The following BDP1 variants were observed in gnomAD, a reference collection of about 807,000 sequenced individuals.
BDP1 encodes the protein BDP1 general transcription factor IIIB subunit, also known as transcription factor TFIIIB component B'' homolog.
In BDP1, 169 loss-of-function variants were observed where a neutral mutation model predicts 266.6. The ratio of observed to expected loss-of-function variants is 0.63; its 90% confidence interval spans 0.56 to 0.72. BDP1 has a LOEUF of 0.72. Ranked by LOEUF, BDP1 falls within the 30% of genes least tolerant of loss-of-function variation. BDP1 has a pLI of 0.00. For synonymous variants in BDP1, 1,090 were observed against 1,022.4 expected (o/e 1.07, Z -1.26); for missense variants, 3,015 against 3,053.8 (o/e 0.99, Z 0.30).
At position 71,522,332 on chromosome 5, in the gene BDP1, AGAAG is replaced by A; in HGVS notation, c.5039_5042del (p.Arg1680AsnfsTer21). 1 of 1,614,010 alleles carries A rather than the reference AGAAG, an allele frequency of 6.2e-7. No homozygotes were observed. Among genetic ancestry groups the A allele is most frequent in the Non-Finnish European group, 8.5e-7 (1 of 1,179,976 alleles). On this transcript the variant is annotated frameshift_variant, in exon 23 of 39. Coordinates refer to ENST00000358731, the MANE Select transcript of BDP1 (RefSeq NM_018429.3). LOFTEE classifies it high-confidence loss of function. ...TGTTCCTAGTTCAGCACAAATGACA[AGAAG>A]GAAATTCCAAAAGGCTAAGCCAAAT...
At chr5:71,560,675 A>G (rs1743582296) in intron 37 of BDP1, among the ~76,000 whole-genome samples, 1 of 152,178 alleles carries the variant, frequency 6.6e-6, no homozygotes, top group Non-Finnish European at 1.5e-5. Flanking sequence ...AAGTGTTGGA[A>G]TTTAAGCAAG....
rs115219262 is a variant in BDP1, at chr5:71,519,377, T to A, written c.4991+1925T>A. 8.7e-3 allele frequency among the ~76,000 whole-genome samples: 1,325 copies of A among 152,312 alleles called. 10 individuals are homozygous for A. The highest frequency in any genetic ancestry group is 0.015 in the South Asian group (74 of 4,828). On this transcript the variant is annotated intron_variant, in intron 22 of 38. Coordinates refer to ENST00000358731, the MANE Select transcript of BDP1 (RefSeq NM_018429.3). ...ATAAATGATTGTTAACTATAATTTT[T>A]CCTACTGTACTACTGAATACCAGAA...
chr5:71,544,622 G>C (rs767634605), intron 31 of BDP1, 115 bp downstream of exon 31: 39 of 1,107,470 alleles, frequency 3.5e-5, no homozygotes, highest in Non-Finnish European at 5.0e-5. Flanking sequence ...GCTCACGCCT[G>C]TAATCCCGGC....
intron 7 of BDP1, among the ~76,000 whole-genome samples, chr5:71,481,434 C>T (rs35327154): frequency 0.42 from 61,446 of 145,100 alleles, 13,238 homozygotes; most frequent in South Asian, 0.48. Context: ...TGGTGGCACA[C>T]GTCCCCTAGC....
At chr5:71,552,741 G>A (rs1349080817) in intron 34 of BDP1, among the ~76,000 whole-genome samples, 1 of 152,276 alleles carries the variant, frequency 6.6e-6, no homozygotes, top group Non-Finnish European at 1.5e-5. Context: ...AACCAGGCAG[G>A]GAGGCTGCAG....
At chr5:71,575,387 G>A in the BDP1 span, among the ~76,000 whole-genome samples, 4 of 152,196 alleles carry the variant, frequency 2.6e-5, no homozygotes, top group African/African-American at 9.7e-5. Flanking sequence ...ATCAATGGCC[G>A]CTATCTTGGG....
At chr5:71,466,475 C>T (rs1761911732) in intron 5 of BDP1, among the ~76,000 whole-genome samples, 1 of 152,144 alleles carries the variant, frequency 6.6e-6, no homozygotes, top group African/African-American at 2.4e-5. Context: ...CTTTACTGGT[C>T]ATTGAGTCAG....
chr5:71,561,352 G>A (rs1427320179), intron 37 of BDP1, among the ~76,000 whole-genome samples: 1 of 149,852 alleles, frequency 6.7e-6, no homozygotes, highest in Non-Finnish European at 1.5e-5. Flanking sequence ...GGTGAGCCGA[G>A]ATTGTGCCAT....
At chr5:71,559,850 A>G in intron 36 of BDP1, 132 bp from the exon 37 acceptor site, 2 of 833,558 alleles carry the variant, frequency 2.4e-6, no homozygotes, top group Non-Finnish European at 3.7e-6. Context: ...TAACTCCACT[A>G]ATGATAATTT....
intron 21 of BDP1, 107 bp from the exon 22 acceptor site, chr5:71,517,215 A>T: frequency 1.0e-6 from 1 of 1,001,834 alleles, no homozygotes; most frequent in East Asian, 2.9e-5. Flanking sequence ...ATAAAAATTT[A>T]AAAAAGAAAA....
Position 71,509,970 on chromosome 5 carries a change from A to T in BDP1, c.2878A>T (p.Thr960Ser). ...TGAAGTGGAGACAGATTTGAAAGCA[A>T]CTGGAAATGAGAGTTCCCCAAGGGA... ...LGEVETDLKA[T>S]GNESSPREKT... Residue 960 changes from threonine (T) to serine (S), a missense_variant, in exon 17 of 39, where the codon ACT becomes TCT. Around this residue, in one of 3 missense-constraint regions of BDP1, gnomAD observed 2,383 missense variants for 2,404.9 expected, o/e 0.99. Transcript: ENST00000358731. The T allele has an allele frequency of 6.2e-7, 1 of 1,613,742 alleles. No individual in the cohort carries two copies.
chr5:71,533,587 T>A (rs973015557), intron 26 of BDP1, among the ~76,000 whole-genome samples: 1 of 151,212 alleles, frequency 6.6e-6, no homozygotes, highest in Non-Finnish European at 1.5e-5. Flanking sequence ...CCACTCAGCA[T>A]CCCAAGTAGC....
chr5:71,575,617 C>T, the BDP1 span, among the ~76,000 whole-genome samples: 4 of 152,292 alleles, frequency 2.6e-5, no homozygotes, highest in South Asian at 8.3e-4. Flanking sequence ...AGAGACTGGC[C>T]TCTTGTAGTA....
intron 26 of BDP1, among the ~76,000 whole-genome samples, chr5:71,533,799 A>C (rs185201125): frequency 1.1e-4 from 17 of 152,184 alleles, no homozygotes; most frequent in Admixed American, 8.5e-4. Flanking sequence ...GTGAGTGTGA[A>C]GTGGTGTCAC....
At position 71,560,045 on chromosome 5, in the gene BDP1, C is replaced by G; in HGVS notation, c.7304C>G (p.Pro2435Arg). Residue 2435 changes from proline (P) to arginine (R), a missense_variant, in exon 37 of 39, where the codon CCT becomes CGT. Pro to Arg is a moderately radical substitution (Grantham distance 103). Transcript: ENST00000358731. ...GGAAGCACACTGACAACTCCAGAAC[C>G]TCAAAGACAGCAAGTTGAAGCAGCT... ...TSGSTLTTPE[P>R]QRQQVEAAFQ... 6.2e-7 allele frequency: 1 copy of G among 1,613,946 alleles called. No homozygotes were observed.
chr5:71,486,962 A>G (rs1397138402), intron 9 of BDP1, among the ~76,000 whole-genome samples: 1 of 152,182 alleles, frequency 6.6e-6, no homozygotes, highest in Non-Finnish European at 1.5e-5. Context: ...CTGGTATAAA[A>G]TTCTAGGATT....
At chr5:71,572,717 G>A (rs1345845147), downstream of BDP1, among the ~76,000 whole-genome samples, 1 of 152,146 alleles carries the variant, frequency 6.6e-6, no homozygotes, top group Non-Finnish European at 1.5e-5. Context: ...GGTTTCCACG[G>A]CTTATTAAAA....
intron 2 of BDP1, 134 bp downstream of exon 2, chr5:71,458,989 C>A: frequency 1.3e-6 from 1 of 775,384 alleles, no homozygotes; most frequent in Non-Finnish European, 2.0e-6. Flanking sequence ...TAGAACATCC[C>A]TTCTTGTTAA....
rs1347194996 is a variant in BDP1 at position 71,522,451 on chromosome 5, G to C, written c.5154G>C (p.Leu1718Phe). Reference sequence around the variant, plus strand: ...AGGAAGGCAAGCCAGAAGATCATTTGCTGCAGAAAGGAGCTTCCAACACCC... The same window carrying C: ...AGGAAGGCAAGCCAGAAGATCATTTCCTGCAGAAAGGAGCTTCCAACACCC... ...QSKEGKPEDH[L>F]LQKGASNTQL... Residue 1718 changes from leucine to phenylalanine, a missense_variant, in exon 23 of 39, where the codon TTG becomes TTC. Physicochemically the swap from Leu to Phe is conservative, Grantham distance 22. Transcript: ENST00000358731. 2 of 1,612,998 alleles carry C rather than the reference G, an allele frequency of 1.2e-6. No individual in the cohort carries two copies. Among genetic ancestry groups the C allele is most frequent in the Admixed American group, 3.3e-5 (2 of 59,916 alleles).
Sources: gnomAD v4.1 joint callset for allele counts (sites outside exome capture counted in the v4.1 genomes callset) on GRCh38, gnomAD v4.1.1 for gene constraint, gnomAD v4.1.1 regional missense constraint, MANE v1.5 for transcripts, NCBI Gene and HGNC (gene_info 2026-07-23, HGNC 2026-07-21) for gene names.